ACTR3: variants seen among roughly 807,000 people sequenced by gnomAD.
The protein encoded by ACTR3 is actin related protein 3, also known as actin-related protein 3.
In ACTR3, 12 loss-of-function variants were observed where a neutral mutation model predicts 56.8. The observed-to-expected ratio is 0.21, with a 90% CI of 0.14 to 0.34. ACTR3 has a LOEUF of 0.34. ACTR3 is among the 10% of genes least tolerant of loss of function. ACTR3 has a pLI of 1.00. For synonymous variants in ACTR3, 162 were observed against 167.4 expected, an observed-to-expected ratio of 0.97 and a Z score of 0.25; for missense variants, 282 against 512.5, an observed-to-expected ratio of 0.55 and a Z score of 4.34.
intron 3 of ACTR3, among the ~76,000 whole-genome samples, chr2:113,919,207 C>G (rs1190479247): frequency 1.3e-5 from 2 of 152,078 alleles, no homozygotes; most frequent in African/African-American, 4.8e-5. Context: ...ATTTAGTATG[C>G]AGTTTCTTTA....
intron 8 of ACTR3, chr2:113,950,922 G>C (rs576005013): frequency 6.6e-6 from 1 of 152,650 alleles, no homozygotes; most frequent in Non-Finnish European, 1.5e-5. Flanking sequence ...TGTCTTACAT[G>C]ATGGCAGCAG....
intron 1 of ACTR3, 153 bp downstream of exon 1, chr2:113,890,476 C>T: frequency 7.8e-7 from 1 of 1,285,448 alleles, no homozygotes; most frequent in Non-Finnish European, 1.0e-6. Context: ...GGGCCCGCAG[C>T]CAGGGCCTCG....
chr2:113,898,606 A>C (rs1042816834), intron 1 of ACTR3, among the ~76,000 whole-genome samples: 2 of 152,326 alleles, frequency 1.3e-5, no homozygotes, highest in East Asian at 3.9e-4. Flanking sequence ...CACATGAGAA[A>C]CTAATTTTAT....
Position 113,928,170 on chromosome 2 carries a change from C to T in ACTR3, c.336+715C>T, listed in dbSNP as rs72835482. The stretch of plus-strand genomic sequence containing the variant: ...TTTCCCACTCCTCGCATTGTAGTTA[C>T]ATCACAATTTTTGGTTAAATCAATA... On this transcript the variant is annotated intron_variant, in intron 4 of 11. Coordinates refer to ENST00000263238, the MANE Select transcript of ACTR3 (RefSeq NM_005721.5). Among the ~76,000 whole-genome samples, 586 of 152,276 alleles carry T rather than the reference C, an allele frequency of 3.8e-3. 1 individual carries two copies. Among genetic ancestry groups the T allele is most frequent in the Non-Finnish European group, 5.4e-3 (365 of 68,016 alleles).
At chr2:113,924,767 C>T (rs1679585439) in intron 3 of ACTR3, among the ~76,000 whole-genome samples, 1 of 151,988 alleles carries the variant, frequency 6.6e-6, no homozygotes, top group Admixed American at 6.5e-5. Context: ...CTCCATACCT[C>T]TCATTCCCCT....
chr2:113,896,853 A>C (rs1679018211), intron 1 of ACTR3, among the ~76,000 whole-genome samples: 2 of 152,232 alleles, frequency 1.3e-5, no homozygotes, highest in African/African-American at 4.8e-5. Flanking sequence ...AAAATCCTTA[A>C]TCAGGAGGAG....
rs1368821214 is a variant in ACTR3 at position 113,958,438 on chromosome 2, A to G, written c.*983A>G. ...CTTTCATTTTGATAACTGGATCTCC[A>G]TTTGATATTTTCATTTGTATAACTC... On this transcript the variant is annotated 3_prime_UTR_variant, in exon 12 of 12. Transcript: ENST00000263238. 1 of 152,526 alleles carries G rather than the reference A, an allele frequency of 6.6e-6. No homozygotes were observed. Among genetic ancestry groups the G allele is most frequent in the Non-Finnish European group, 1.5e-5 (1 of 67,964 alleles). The allele number at this position is 152,526 out of a possible 1,614,324, so 9.4% of individuals were successfully genotyped here.
rs1199598298 is a variant in ACTR3 at position 113,892,396 on chromosome 2, A to G, written c.44+2073A>G. ...TATTAACTGCACATTGATGATTTGA[A>G]TGGAACTGATTAGGAGTCCCCTTGC... On this transcript the variant is annotated intron_variant, in intron 1 of 11. Coordinates refer to ENST00000263238, the MANE Select transcript of ACTR3 (RefSeq NM_005721.5). Among the ~76,000 whole-genome samples the G allele has an allele frequency of 3.9e-5, 6 of 152,220 alleles. No homozygotes were observed. In the South Asian group the frequency reaches 8.3e-4, roughly 21 times the overall value.
chr2:113,919,793 G>A (rs1679474184), intron 3 of ACTR3, among the ~76,000 whole-genome samples: 1 of 141,216 alleles, frequency 7.1e-6, no homozygotes, highest in Non-Finnish European at 1.5e-5. Flanking sequence ...CACCTAGGTT[G>A]CAGTGCAGTG....
At chr2:113,929,385 C>T (rs1489873552) in intron 4 of ACTR3, among the ~76,000 whole-genome samples, 3 of 152,098 alleles carry the variant, frequency 2.0e-5, no homozygotes, top group South Asian at 2.1e-4. Flanking sequence ...AAGTGATCCT[C>T]CCGCCATGGC....
intron 3 of ACTR3, among the ~76,000 whole-genome samples, chr2:113,917,789 T>C (rs1679434704): frequency 6.6e-6 from 1 of 152,218 alleles, no homozygotes; most frequent in East Asian, 1.9e-4. Flanking sequence ...AAGGCTATTA[T>C]AATGTGGTGG....
chr2:113,932,457 A>G (rs1679741108), intron 5 of ACTR3, among the ~76,000 whole-genome samples: 2 of 152,150 alleles, frequency 1.3e-5, no homozygotes, highest in African/African-American at 4.8e-5. Flanking sequence ...GCTTACTTTA[A>G]AACACTGGCA....
chr2:113,930,556 C>CCTATTAGATTGCCA (rs1679701035), intron 4 of ACTR3, among the ~76,000 whole-genome samples: 1 of 152,106 alleles, frequency 6.6e-6, no homozygotes, highest in Non-Finnish European at 1.5e-5. Flanking sequence ...GCCAGTCAGA[C>CCTATTAGATTGCCA]TCACAAGAAT....
At chr2:113,907,779 C>T (rs935598520) in intron 1 of ACTR3, among the ~76,000 whole-genome samples, 1 of 151,854 alleles carries the variant, frequency 6.6e-6, no homozygotes, top group Non-Finnish European at 1.5e-5. Flanking sequence ...TGGAGACCAG[C>T]CTGACCAACA....
At chr2:113,929,388 G>A (rs925041442) in intron 4 of ACTR3, among the ~76,000 whole-genome samples, 2 of 151,812 alleles carry the variant, frequency 1.3e-5, no homozygotes, top group Non-Finnish European at 1.5e-5. Context: ...TGATCCTCCC[G>A]CCATGGCCTC....
At chr2:113,892,702 T>A (rs1447393192) in intron 1 of ACTR3, among the ~76,000 whole-genome samples, 2 of 152,250 alleles carry the variant, frequency 1.3e-5, no homozygotes, top group South Asian at 2.1e-4. Flanking sequence ...ATTTTTTTTA[T>A]GCTTTAGAGA....
chr2:113,926,470 T>C (rs1233803644), intron 3 of ACTR3, among the ~76,000 whole-genome samples: 1 of 152,200 alleles, frequency 6.6e-6, no homozygotes, highest in Non-Finnish European at 1.5e-5. Flanking sequence ...ACTGAGTAAT[T>C]TATAAAGAAA....
At chr2:113,902,075 A>G (rs928220546) in intron 1 of ACTR3, among the ~76,000 whole-genome samples, 3 of 152,224 alleles carry the variant, frequency 2.0e-5, no homozygotes, top group Non-Finnish European at 4.4e-5. Context: ...ACATTTAATT[A>G]TACTTACTTT....
At chr2:113,913,115 G>C in intron 1 of ACTR3, 57 bp from the exon 2 acceptor site, 1 of 1,173,438 alleles carries the variant, frequency 8.5e-7, no homozygotes, top group Non-Finnish European at 1.2e-6. Flanking sequence ...TTCTAAGAAA[G>C]AAATGTATAA....
Sources: gnomAD v4.1 joint callset for allele counts (sites outside exome capture counted in the v4.1 genomes callset) on GRCh38, gnomAD v4.1.1 for gene constraint, MANE v1.5 for transcripts, NCBI Gene and HGNC (gene_info 2026-07-23, HGNC 2026-07-21) for gene names.